The following POU6F2 variants were observed in gnomAD, a reference collection of about 807,000 sequenced individuals.
POU6F2 encodes POU class 6 homeobox 2, also known as POU domain, class 6, transcription factor 2.
In POU6F2, 31 loss-of-function variants were observed where a neutral mutation model predicts 71.3. That is an observed-to-expected ratio of 0.43 (90% confidence interval 0.33 to 0.59). The LOEUF (loss-of-function observed/expected upper bound fraction) is 0.59, where lower values mean the gene tolerates loss of function less well. Ranked by LOEUF, POU6F2 falls within the 20% of genes least tolerant of loss-of-function variation. POU6F2 has a pLI of 0.04. For missense variants in POU6F2, 783 were observed against 856.8 expected (o/e 0.91, Z 1.07); for synonymous variants, 347 against 355.7 (o/e 0.98, Z 0.27).
intron 1 of POU6F2, among the ~76,000 whole-genome samples, chr7:39,054,288 G>A (rs1319083191): frequency 1.3e-5 from 2 of 151,994 alleles, no homozygotes; most frequent in Non-Finnish European, 2.9e-5. Flanking sequence ...GTATGATCCA[G>A]TTCTTTATAA....
At chr7:39,444,982 T>G (rs776471460) in intron 7 of POU6F2, among the ~76,000 whole-genome samples, 1 of 152,134 alleles carries the variant, frequency 6.6e-6, no homozygotes, top group Non-Finnish European at 1.5e-5. Context: ...TTTCAAAAAT[T>G]AAATACCATA....
intron 1 of POU6F2, among the ~76,000 whole-genome samples, chr7:39,077,509 TG>T (rs1295205320): frequency 1.3e-5 from 2 of 152,250 alleles, no homozygotes; most frequent in African/African-American, 4.8e-5. Flanking sequence ...CAGCTGCATC[TG>T]TTTTCATTAT....
At chr7:39,195,558 A>G (rs973948582) in intron 2 of POU6F2, among the ~76,000 whole-genome samples, 4 of 151,890 alleles carry the variant, frequency 2.6e-5, no homozygotes, top group Non-Finnish European at 5.9e-5. Context: ...GTGCGGATTC[A>G]TGTCACCACA....
intron 3 of POU6F2, among the ~76,000 whole-genome samples, chr7:39,206,563 A>G (rs1424349603): frequency 6.6e-6 from 1 of 152,216 alleles, no homozygotes; most frequent in Non-Finnish European, 1.5e-5. Flanking sequence ...CATTTTAACA[A>G]TAATCATTCA....
At chr7:39,013,021 G>A (rs1789349960) in intron 1 of POU6F2, 1 of 152,272 alleles carries the variant, frequency 6.6e-6, no homozygotes, top group African/African-American at 2.4e-5. Flanking sequence ...GCCTACAGAG[G>A]CAGGCAGGCC....
intron 4 of POU6F2, among the ~76,000 whole-genome samples, chr7:39,275,557 A>AG (rs528492010): frequency 1.1e-3 from 161 of 152,352 alleles, no homozygotes; most frequent in African/African-American, 3.7e-3. Context: ...ACTACTTTAA[A>AG]GTTCATATGG....
intron 4 of POU6F2, among the ~76,000 whole-genome samples, chr7:39,322,586 C>T (rs140841743): frequency 1.3e-5 from 2 of 152,300 alleles, no homozygotes; most frequent in African/African-American, 4.8e-5. Context: ...TCCTCTTTAA[C>T]CACATTTCAT....
chr7:39,105,359 C>T (rs1416950509), intron 2 of POU6F2, among the ~76,000 whole-genome samples: 2 of 151,668 alleles, frequency 1.3e-5, no homozygotes, highest in African/African-American at 4.8e-5. Flanking sequence ...ATAAGAAGAT[C>T]ATCTAAGTCA....
At chr7:39,210,017 G>A (rs1266657430) in intron 4 of POU6F2, among the ~76,000 whole-genome samples, 1 of 152,174 alleles carries the variant, frequency 6.6e-6, no homozygotes, top group Non-Finnish European at 1.5e-5. Flanking sequence ...GCAGTCAACA[G>A]CGAGGGGAGA....
chr7:39,050,336 CTA>C (rs1341942567), intron 1 of POU6F2, among the ~76,000 whole-genome samples: 5 of 152,054 alleles, frequency 3.3e-5, no homozygotes, highest in Non-Finnish European at 7.4e-5. Flanking sequence ...TGATGGGTCT[CTA>C]TGTGGATTCA....
chr7:39,172,355 ACAT>A (rs1793233111), intron 2 of POU6F2, among the ~76,000 whole-genome samples: 1 of 152,122 alleles, frequency 6.6e-6, no homozygotes, highest in Non-Finnish European at 1.5e-5. Context: ...CATCCAGGTA[ACAT>A]CATTTTGGAC....
At chr7:39,429,989 A>G (rs1247029035) in intron 6 of POU6F2, among the ~76,000 whole-genome samples, 1 of 152,160 alleles carries the variant, frequency 6.6e-6, no homozygotes, top group East Asian at 1.9e-4. Flanking sequence ...CCCCGGTTCC[A>G]TTCTTGCGAC....
At chr7:39,216,785 A>G (rs1196804046) in intron 4 of POU6F2, among the ~76,000 whole-genome samples, 1 of 152,218 alleles carries the variant, frequency 6.6e-6, no homozygotes, top group Non-Finnish European at 1.5e-5. Flanking sequence ...TGAAACTAGG[A>G]AAATCTTTAT....
At chr7:39,277,003 G>A (rs2128758408) in intron 4 of POU6F2, among the ~76,000 whole-genome samples, 1 of 152,122 alleles carries the variant, frequency 6.6e-6, no homozygotes, top group East Asian at 1.9e-4. Context: ...GTATACATAT[G>A]TAACTAACCT....
Position 39,460,778 on chromosome 7 carries a change from T to G in POU6F2, c.1658+63T>G. 6.9e-7 allele frequency: 1 copy of G among 1,450,572 alleles called. No homozygotes were observed. 89.9% of individuals were successfully genotyped at this position (1,450,572 alleles called of 1,614,324 possible). ...CCCTGGGCCTCATTTGTCCTCGCGGTTCAGCTTTTCTTCGTCGGGTGGGCA... is the reference window on the plus strand; with the variant it reads ...CCCTGGGCCTCATTTGTCCTCGCGGGTCAGCTTTTCTTCGTCGGGTGGGCA... On this transcript the variant is annotated intron_variant, in intron 9 of 9. Coordinates refer to ENST00000518318, the MANE Select transcript of POU6F2 (RefSeq NM_001370959.1). The surrounding 1 kb of genome is among the most constrained non-coding windows in gnomAD (Gnocchi z 4.4).
chr7:39,075,424 T>C (rs1460757063), intron 1 of POU6F2, among the ~76,000 whole-genome samples: 1 of 152,182 alleles, frequency 6.6e-6, no homozygotes, highest in East Asian at 1.9e-4. Context: ...TTTGTATTTA[T>C]TTATGGAAAT....
At chr7:39,275,252 C>A (rs1249877448) in intron 4 of POU6F2, among the ~76,000 whole-genome samples, 1 of 150,532 alleles carries the variant, frequency 6.6e-6, no homozygotes, top group Non-Finnish European at 1.5e-5. Context: ...TCTTACACAC[C>A]AATAACAGAC....
chr7:39,141,626 A>G (rs1288032151), intron 2 of POU6F2, among the ~76,000 whole-genome samples: 1 of 152,230 alleles, frequency 6.6e-6, no homozygotes, highest in Non-Finnish European at 1.5e-5. Context: ...TATATATCTT[A>G]ATACTGCTAG....
At chr7:39,379,981 A>G (rs1489584706) in intron 5 of POU6F2, among the ~76,000 whole-genome samples, 1 of 152,224 alleles carries the variant, frequency 6.6e-6, no homozygotes, top group East Asian at 1.9e-4. Context: ...TCTTGCTTCA[A>G]CTGGGATTGA....
Sources: gnomAD v4.1 joint callset for allele counts (sites outside exome capture counted in the v4.1 genomes callset) on GRCh38, gnomAD v4.1.1 for gene constraint, Gnocchi (gnomAD v3.1) non-coding constraint, MANE v1.5 for transcripts, NCBI Gene and HGNC (gene_info 2026-07-23, HGNC 2026-07-21) for gene names.